Variants in ADAMTS12 observed in about 807,000 individuals in gnomAD.
ADAMTS12 encodes A disintegrin and metalloproteinase with thrombospondin motifs 12.
Under a neutral mutation model 167.8 loss-of-function variants are expected in ADAMTS12, and 118 were observed. That is an observed-to-expected ratio of 0.70 (90% CI 0.61 to 0.82). The LOEUF (loss-of-function observed/expected upper bound fraction) is 0.82, where lower values mean the gene tolerates loss of function less well. ADAMTS12 is among the 40% of genes least tolerant of loss of function. The probability of loss-of-function intolerance (pLI) is 0.00; values close to 1 mark genes in which losing one functional copy is unlikely to be tolerated. For missense variants in ADAMTS12, 1,916 were observed against 1,998.8 expected (o/e 0.96, Z 0.79); for synonymous variants, 704 against 716.9 (o/e 0.98, Z 0.29).
At chr5:33,573,868 A>G (rs547143643) in intron 19 of ADAMTS12, among the ~76,000 whole-genome samples, 1 of 152,362 alleles carries the variant, frequency 6.6e-6, no homozygotes, top group African/African-American at 2.4e-5. Flanking sequence ...GCTAATATCC[A>G]GAATCTACAA....
chr5:33,711,504 A>G (rs1386573094), intron 3 of ADAMTS12, among the ~76,000 whole-genome samples: 2 of 152,166 alleles, frequency 1.3e-5, no homozygotes, highest in Non-Finnish European at 2.9e-5. Flanking sequence ...CCCAGGGGAC[A>G]CACAGCACAA....
At chr5:33,864,230 T>C (rs1426368968) in intron 2 of ADAMTS12, among the ~76,000 whole-genome samples, 1 of 152,148 alleles carries the variant, frequency 6.6e-6, no homozygotes, top group East Asian at 1.9e-4. Context: ...AACAAACATA[T>C]GATAAAAAGC....
chr5:33,618,717 T>G (rs1008805701), intron 14 of ADAMTS12, among the ~76,000 whole-genome samples: 1 of 152,198 alleles, frequency 6.6e-6, no homozygotes, highest in Non-Finnish European at 1.5e-5. Context: ...CTTGAAACCC[T>G]TCACCCCTGC....
intron 19 of ADAMTS12, among the ~76,000 whole-genome samples, chr5:33,574,553 T>G (rs2331241): frequency 1.5e-5 from 2 of 131,466 alleles, no homozygotes; most frequent in African/African-American, 5.8e-5. Flanking sequence ...ACAATGAGAA[T>G]ACATGGACAC....
At chr5:33,668,225 T>C (rs1741540343) in intron 5 of ADAMTS12, among the ~76,000 whole-genome samples, 1 of 152,166 alleles carries the variant, frequency 6.6e-6, no homozygotes. Flanking sequence ...AAAAAAATCA[T>C]CTCATACAAA....
chr5:33,688,587 T>C lies in ADAMTS12; in HGVS notation c.635-4532A>G, dbSNP rs545839201. Among the ~76,000 whole-genome samples, 18 of 152,278 alleles carry C rather than the reference T, an allele frequency of 1.2e-4. No homozygotes were observed. In the South Asian group the frequency reaches 3.7e-3, roughly 32 times the overall value. ...TCACCTGCTGATCTCTGAGTCAGTG[T>C]CCACGGCAGCCAGGCATGGATCACG... On this transcript the variant is annotated intron_variant, in intron 3 of 23. Coordinates refer to ENST00000504830, the MANE Select transcript of ADAMTS12 (RefSeq NM_030955.4).
intron 2 of ADAMTS12, among the ~76,000 whole-genome samples, chr5:33,878,066 T>A (rs1346399522): frequency 6.6e-6 from 1 of 152,192 alleles, no homozygotes; most frequent in Non-Finnish European, 1.5e-5. Context: ...AATTTGAATG[T>A]AGGGCCATAC....
rs145199533 is a variant in ADAMTS12 at position 33,742,281 on chromosome 5, T to C, written c.634+9123A>G. Among the ~76,000 whole-genome samples the C allele has an allele frequency of 2.6e-3, 392 of 150,324 alleles. 1 individual carries two copies. The highest frequency in any genetic ancestry group is 9.2e-3 in the African/African-American group (374 of 40,790). ...ATTAGAGCATAAAGTACATTGATAA[T>C]TTCCTCAAACATCTGATGTCAAATC... is the stretch of plus-strand genomic sequence containing the variant. On this transcript the variant is annotated intron_variant, in intron 3 of 23. Coordinates refer to ENST00000504830, the MANE Select transcript of ADAMTS12 (RefSeq NM_030955.4).
Position 33,624,370 on chromosome 5 carries a change from G to T in ADAMTS12, c.2023-19C>A, listed in dbSNP as rs191778214. Reference sequence around the variant, plus strand: ...CAACCATCTGTGGGGAAGAGAGGTGGAGGATGAATGCCCAGGCAGGGGATG... The same window carrying T: ...CAACCATCTGTGGGGAAGAGAGGTGTAGGATGAATGCCCAGGCAGGGGATG... On this transcript the variant is annotated intron_variant, in intron 13 of 23. Transcript: ENST00000504830. 1,432 of 1,613,696 alleles carry T rather than the reference G, an allele frequency of 8.9e-4. 3 individuals carry two copies. The highest frequency in any genetic ancestry group is 1.1e-3 in the Non-Finnish European group (1,305 of 1,179,828).
intron 20 of ADAMTS12, among the ~76,000 whole-genome samples, chr5:33,556,493 T>C (rs1048178056): frequency 1.2e-4 from 18 of 152,174 alleles, no homozygotes; most frequent in Admixed American, 7.9e-4. Flanking sequence ...ATGGCTGTGC[T>C]TTGGTGAAGG....
chr5:33,780,123 T>C (rs1196786686), intron 2 of ADAMTS12, among the ~76,000 whole-genome samples: 1 of 152,136 alleles, frequency 6.6e-6, no homozygotes, highest in Non-Finnish European at 1.5e-5. Flanking sequence ...AAAACTTCAA[T>C]AAAGCTGTAG....
In ADAMTS12 at chr5:33,686,797, TATAG is replaced by T. The variant is rs1171068655; in HGVS notation, c.635-2746_635-2743del. Among the ~76,000 whole-genome samples the T allele has an allele frequency of 5.4e-4, 81 of 150,676 alleles. 1 individual carries two copies. The highest frequency in any genetic ancestry group is 1.6e-3 in the African/African-American group (66 of 40,994). On this transcript the variant is annotated intron_variant, in intron 3 of 23. Transcript: ENST00000504830. Reference sequence around the variant, plus strand: ...TATATATATATTCAGTGCCTATATATATAGAGAGAGAGAGGGAGAGAGATGTATA... The same window carrying T: ...TATATATATATTCAGTGCCTATATATAGAGAGAGAGGGAGAGAGATGTATA...
At chr5:33,760,877 CTCTGTGTGTG>C (rs1210146279) in intron 2 of ADAMTS12, among the ~76,000 whole-genome samples, 6 of 112,044 alleles carry the variant, frequency 5.4e-5, no homozygotes, top group African/African-American at 2.1e-4. Context: ...TTTGTCTTTG[CTCTGTGTGTG>C]TGTGTGTGTG....
At chr5:33,860,466 A>G (rs919069531) in intron 2 of ADAMTS12, among the ~76,000 whole-genome samples, 20 of 152,190 alleles carry the variant, frequency 1.3e-4, no homozygotes, top group African/African-American at 4.8e-4. Flanking sequence ...TGAGAGAAAA[A>G]AAGAATGGAA....
At chr5:33,761,097 C>A (rs776362672) in intron 2 of ADAMTS12, among the ~76,000 whole-genome samples, 3 of 152,190 alleles carry the variant, frequency 2.0e-5, no homozygotes, top group Middle Eastern at 3.2e-3. Flanking sequence ...GCACTTTCCC[C>A]GTGGGAAGCA....
intron 3 of ADAMTS12, among the ~76,000 whole-genome samples, chr5:33,743,596 CTT>C: frequency 6.6e-6 from 1 of 152,312 alleles, no homozygotes; most frequent in Non-Finnish European, 1.5e-5. Flanking sequence ...TTTGTTCACC[CTT>C]GTATCCTAAT....
At chr5:33,682,191 T>C (rs1007554993) in intron 5 of ADAMTS12, among the ~76,000 whole-genome samples, 1 of 152,168 alleles carries the variant, frequency 6.6e-6, no homozygotes, top group Admixed American at 6.5e-5. Flanking sequence ...ATGTGGAAGA[T>C]ATGAAAAAAG....
At chr5:33,886,782 C>T (rs887408621) in intron 1 of ADAMTS12, among the ~76,000 whole-genome samples, 4 of 152,086 alleles carry the variant, frequency 2.6e-5, no homozygotes, top group Non-Finnish European at 5.9e-5. Context: ...TCGGGGGTCA[C>T]TTACAAAGTG....
At chr5:33,868,062 C>T (rs760731454) in intron 2 of ADAMTS12, among the ~76,000 whole-genome samples, 31 of 152,156 alleles carry the variant, frequency 2.0e-4, no homozygotes, top group Non-Finnish European at 5.9e-5. Flanking sequence ...TTGGCTTCCA[C>T]CATGATTGTA....
Sources: allele counts gnomAD v4.1 joint callset (sites outside exome capture counted in the v4.1 genomes callset), GRCh38; gene constraint gnomAD v4.1.1; transcripts MANE v1.5; gene names NCBI Gene and HGNC (gene_info 2026-07-23, HGNC 2026-07-21).